Variants in PRKD1 observed in about 807,000 individuals in gnomAD.
PRKD1 encodes serine/threonine-protein kinase D1.
Under a neutral mutation model 95.9 loss-of-function variants are expected in PRKD1, and 63 were observed. The observed-to-expected ratio is 0.66, with a 90% CI of 0.54 to 0.81. PRKD1 has a LOEUF of 0.81. Among genes scored for constraint, PRKD1 ranks in the 30% least tolerant of loss-of-function variants. The probability of loss-of-function intolerance (pLI) is 0.00; values close to 1 mark genes in which losing one functional copy is unlikely to be tolerated. For synonymous variants in PRKD1, 425 were observed against 423.1 expected (o/e 1.00, Z -0.05); for missense variants, 1,048 against 1,165.3 (o/e 0.90, Z 1.47).
intron 1 of PRKD1, among the ~76,000 whole-genome samples, chr14:29,762,409 C>A (rs910472188): frequency 6.6e-6 from 1 of 152,152 alleles, no homozygotes; most frequent in South Asian, 2.1e-4. Flanking sequence ...CTAGTCAAAT[C>A]AGAAGACAGG....
At chr14:29,809,958 C>T (rs1890409840) in intron 1 of PRKD1, among the ~76,000 whole-genome samples, 1 of 152,098 alleles carries the variant, frequency 6.6e-6, no homozygotes, top group African/African-American at 2.4e-5. Flanking sequence ...TTCACTTGAC[C>T]CTTAGAAGTC....
intron 4 of PRKD1, among the ~76,000 whole-genome samples, chr14:29,652,244 G>C (rs1881555700): frequency 6.6e-6 from 1 of 152,150 alleles, no homozygotes. Context: ...TACCTTGCCT[G>C]AGAGTTGCAC....
At chr14:29,841,068 G>A (rs1891822841) in intron 1 of PRKD1, among the ~76,000 whole-genome samples, 1 of 152,212 alleles carries the variant, frequency 6.6e-6, no homozygotes, top group Non-Finnish European at 1.5e-5. Flanking sequence ...CATGGGGCCT[G>A]TGGCCCCTTT....
chr14:29,874,171 G>GA (rs1259015118), intron 1 of PRKD1, among the ~76,000 whole-genome samples: 3 of 151,960 alleles, frequency 2.0e-5, no homozygotes, highest in Non-Finnish European at 2.9e-5. Flanking sequence ...TTTATGGGGA[G>GA]AAAAAATAAC....
chr14:29,906,467 G>A (rs1894499899), intron 1 of PRKD1, among the ~76,000 whole-genome samples: 1 of 152,070 alleles, frequency 6.6e-6, no homozygotes, highest in Admixed American at 6.6e-5. Flanking sequence ...GAGCCCAGGA[G>A]GTCAAGGCTG....
chr14:29,667,585 T>C (rs911167736), intron 2 of PRKD1, among the ~76,000 whole-genome samples: 5 of 152,298 alleles, frequency 3.3e-5, no homozygotes, highest in Middle Eastern at 3.4e-3. Context: ...ATGTGTCCAA[T>C]TGGGAGAAGA....
chr14:29,915,103 T>C (rs80244492), intron 1 of PRKD1, among the ~76,000 whole-genome samples: 3,608 of 152,324 alleles, frequency 0.024, 152 homozygotes, highest in African/African-American at 0.083. Flanking sequence ...GAGTGATTCA[T>C]TGATTTACAC....
chr14:29,813,413 C>T (rs1291629616), intron 1 of PRKD1, among the ~76,000 whole-genome samples: 1 of 152,094 alleles, frequency 6.6e-6, no homozygotes, highest in East Asian at 1.9e-4. Context: ...TGAAACATCA[C>T]AAATATAATA....
intron 1 of PRKD1, among the ~76,000 whole-genome samples, chr14:29,841,922 T>TA (rs1280189198): frequency 6.6e-6 from 1 of 152,016 alleles, no homozygotes; most frequent in Non-Finnish European, 1.5e-5. Flanking sequence ...ACTTATTCTA[T>TA]AAATTTTTTT....
At position 29,758,156 on chromosome 14, in the gene PRKD1, C is replaced by T. The variant is rs554094620; in HGVS notation, c.265-32482G>A. 2.0e-5 allele frequency among the ~76,000 whole-genome samples: 3 copies of T among 150,528 alleles called. No homozygotes were observed. The East Asian group carries it at 5.9e-4, about 29-fold the overall frequency. On this transcript the variant is annotated intron_variant, in intron 1 of 17. Coordinates refer to ENST00000331968, the MANE Select transcript of PRKD1 (RefSeq NM_002742.3). ...GGAGTAAATAAAAAAACTCTCCCTA[C>T]CAAGAGAGGGAGATTAAAGCATGGA... is the stretch of plus-strand genomic sequence containing the variant.
At chr14:29,857,654 G>A (rs1368309463) in intron 1 of PRKD1, among the ~76,000 whole-genome samples, 1 of 152,218 alleles carries the variant, frequency 6.6e-6, no homozygotes, top group African/African-American at 2.4e-5. Context: ...CTTAGAAGAA[G>A]TTGTTCAGTC....
chr14:29,742,296 T>C (rs1349257602), intron 1 of PRKD1, among the ~76,000 whole-genome samples: 1 of 152,204 alleles, frequency 6.6e-6, no homozygotes, highest in Non-Finnish European at 1.5e-5. Flanking sequence ...GTTTATTATT[T>C]TGGTCTTTCC....
chr14:29,725,408 C>A lies in PRKD1; in HGVS notation c.403+128G>T, dbSNP rs1381897383. The A allele has an allele frequency of 8.7e-6, 10 of 1,154,492 alleles. No homozygotes were observed. The East Asian group carries it at 2.4e-4, about 28-fold the overall frequency. The allele number at this position is 1,154,492 out of a possible 1,614,324, so 71.5% of individuals were successfully genotyped here. ...GTTTCCCTTTTTCATGTGGACAGAGCTCCAACATCTTCTCTTGGAGCTGAG... is the reference window on the plus strand; with the variant it reads ...GTTTCCCTTTTTCATGTGGACAGAGATCCAACATCTTCTCTTGGAGCTGAG... On this transcript the variant is annotated intron_variant, in intron 2 of 17. Transcript: ENST00000331968.
chr14:29,599,565 AC>A, intron 14 of PRKD1, 90 bp downstream of exon 14: 1 of 1,232,598 alleles, frequency 8.1e-7, no homozygotes, highest in East Asian at 2.4e-5. Flanking sequence ...GGAGGTAGGG[AC>A]TAAACAACAA....
intron 1 of PRKD1, among the ~76,000 whole-genome samples, chr14:29,906,640 A>G (rs182048148): frequency 1.3e-5 from 2 of 152,382 alleles, no homozygotes; most frequent in East Asian, 1.9e-4. Flanking sequence ...GGAAATGAGG[A>G]AAAGGTAAAT....
intron 1 of PRKD1, among the ~76,000 whole-genome samples, chr14:29,895,178 A>G (rs1028143263): frequency 1.3e-5 from 2 of 152,074 alleles, no homozygotes; most frequent in Admixed American, 6.6e-5. Flanking sequence ...TTATCTGGGC[A>G]TGGTGGCGGA....
At chr14:29,778,727 C>T (rs1352189383) in intron 1 of PRKD1, among the ~76,000 whole-genome samples, 1 of 152,186 alleles carries the variant, frequency 6.6e-6, no homozygotes, top group Non-Finnish European at 1.5e-5. Flanking sequence ...GAGCTGTTTC[C>T]ATTCCTTCTG....
chr14:29,835,356 T>G (rs576902707), intron 1 of PRKD1, among the ~76,000 whole-genome samples: 4 of 152,166 alleles, frequency 2.6e-5, no homozygotes, highest in African/African-American at 7.2e-5. Context: ...TGCTTTCTCA[T>G]GGGGTAAAAA....
At chr14:29,787,900 T>C (rs1889347394) in intron 1 of PRKD1, among the ~76,000 whole-genome samples, 1 of 152,156 alleles carries the variant, frequency 6.6e-6, no homozygotes, top group African/African-American at 2.4e-5. Context: ...GTTTTGTATT[T>C]GCTTCATTCC....
Sources: allele counts gnomAD v4.1 joint callset (sites outside exome capture counted in the v4.1 genomes callset), GRCh38; gene constraint gnomAD v4.1.1; transcripts MANE v1.5; gene names NCBI Gene and HGNC (gene_info 2026-07-23, HGNC 2026-07-21).